Variants in PAGE2B observed in about 807,000 individuals in gnomAD.
PAGE2B encodes the protein putative G antigen family E member 3.
PAGE2B carries 5 observed loss-of-function variants against 7.6 expected under a neutral mutation model. The ratio of observed to expected loss-of-function variants is 0.66; its 90% CI spans 0.34 to 1.38. PAGE2B has a LOEUF of 1.38. Among genes scored for constraint, PAGE2B ranks in the 40% most tolerant of loss-of-function variants. The pLI, the probability that PAGE2B is intolerant of heterozygous loss-of-function variation, is 0.04. For synonymous variants in PAGE2B, 29 were observed against 26.7 expected (o/e 1.09, Z -0.27); for missense variants, 70 against 78.4 (o/e 0.89, Z 0.41).
At chrX:55,030,807 T>C in the PAGE2B span, 5 of 166,258 alleles carry the variant, frequency 3.0e-5, no homozygotes, top group African/African-American at 3.2e-5. Context: ...AAAAAGAAAA[T>C]GAAAAAGAGA....
chrX:55,044,476 G>A, the PAGE2B span, among the ~76,000 whole-genome samples: 1 of 110,927 alleles, frequency 9.0e-6, no homozygotes, highest in Non-Finnish European at 1.9e-5. Flanking sequence ...ATGGGGTGAG[G>A]GATAAAAGAC....
upstream of PAGE2B, among the ~76,000 whole-genome samples, chrX:55,073,255 C>T (rs1049423973): frequency 5.4e-5 from 6 of 111,794 alleles, no homozygotes; most frequent in Non-Finnish European, 9.4e-5. Context: ...GTGGGAGAAG[C>T]GTAGTATCTG....
chrX:55,053,645 A>G, the PAGE2B span, among the ~76,000 whole-genome samples: 1 of 112,182 alleles, frequency 8.9e-6, no homozygotes, highest in Admixed American at 9.4e-5. Flanking sequence ...CAGCATACAG[A>G]GGAAATAACA....
chrX:55,059,915 C>T, the PAGE2B span, among the ~76,000 whole-genome samples: 1 of 111,213 alleles, frequency 9.0e-6, no homozygotes, highest in East Asian at 2.8e-4. Flanking sequence ...ATAATGTCCT[C>T]CAGGTTTATG....
chrX:55,041,725 A>G, the PAGE2B span, among the ~76,000 whole-genome samples: 1 of 111,390 alleles, frequency 9.0e-6, no homozygotes, highest in Non-Finnish European at 1.9e-5. Context: ...TGGGGCAGCC[A>G]CAGTAGGGGT....
upstream of PAGE2B, among the ~76,000 whole-genome samples, chrX:55,074,789 C>T (rs1302278295): frequency 9.8e-5 from 11 of 112,341 alleles, no homozygotes; most frequent in East Asian, 2.8e-4. Context: ...TCATATTCTC[C>T]AAAGCCACTG....
At chrX:55,035,014 A>T in the PAGE2B span, among the ~76,000 whole-genome samples, 2 of 109,897 alleles carry the variant, frequency 1.8e-5, no homozygotes, top group African/African-American at 6.6e-5. Context: ...TAGCCTTTTC[A>T]TGTTTTTCTG....
the PAGE2B span, among the ~76,000 whole-genome samples, chrX:55,060,292 G>T: frequency 1.8e-5 from 2 of 110,983 alleles, no homozygotes; most frequent in Non-Finnish European, 3.8e-5. Context: ...GTTATCTTTT[G>T]TTTTTTAATG....
chrX:55,044,371 T>C, the PAGE2B span, among the ~76,000 whole-genome samples: 23 of 111,286 alleles, frequency 2.1e-4, no homozygotes, highest in Non-Finnish European at 4.1e-4. Flanking sequence ...AAACCAAATA[T>C]TGTATGTTCT....
the PAGE2B span, among the ~76,000 whole-genome samples, chrX:55,043,441 C>T: frequency 7.2e-5 from 8 of 110,419 alleles, no homozygotes; most frequent in South Asian, 3.8e-4. Flanking sequence ...TCTACACATT[C>T]GACAAAGGAC....
the PAGE2B span, among the ~76,000 whole-genome samples, chrX:55,065,690 T>G: frequency 8.9e-6 from 1 of 111,833 alleles, no homozygotes; most frequent in African/African-American, 3.2e-5. Context: ...ATTTTTCCTT[T>G]TTATTTTTTG....
At chrX:55,069,212 C>T in the PAGE2B span, among the ~76,000 whole-genome samples, 1 of 111,902 alleles carries the variant, frequency 8.9e-6, no homozygotes, top group Non-Finnish European at 1.9e-5. Context: ...AGATACCTTC[C>T]TTCTATGCCT....
At chrX:55,045,117 A>T in the PAGE2B span, 13 of 112,217 alleles carry the variant, frequency 1.2e-4, no homozygotes, top group African/African-American at 3.6e-4. Context: ...AAGCTTTTAA[A>T]CACTAGTTAT....
chrX:55,053,353 C>T, the PAGE2B span, among the ~76,000 whole-genome samples: 4 of 111,310 alleles, frequency 3.6e-5, no homozygotes, highest in African/African-American at 9.8e-5. Context: ...GGGAACAACA[C>T]ACACTGGGGC....
At chrX:55,072,750 T>C (rs776477242), upstream of PAGE2B, among the ~76,000 whole-genome samples, 1 of 112,466 alleles carries the variant, frequency 8.9e-6, no homozygotes, top group African/African-American at 3.2e-5. Flanking sequence ...CTGCCTTTCC[T>C]TCAGAGATGC....
upstream of PAGE2B, among the ~76,000 whole-genome samples, chrX:55,070,265 T>C (rs769461046): frequency 2.0e-4 from 22 of 111,836 alleles, no homozygotes; most frequent in Non-Finnish European, 4.0e-4. Flanking sequence ...CAAAGAACAT[T>C]TTTATTTCTG....
chrX:55,042,486 C>G, the PAGE2B span, among the ~76,000 whole-genome samples: 75 of 106,375 alleles, frequency 7.1e-4, no homozygotes, highest in African/African-American at 2.4e-3. Context: ...AACCCCGTCT[C>G]TACTAAAAAT....
the PAGE2B span, among the ~76,000 whole-genome samples, chrX:55,054,208 T>TA: frequency 5.0e-4 from 53 of 106,690 alleles, no homozygotes; most frequent in South Asian, 1.2e-3. Flanking sequence ...GACTCCATCT[T>TA]AAAAAAAACA....
At chrX:55,069,990 C>A in the PAGE2B span, among the ~76,000 whole-genome samples, 1 of 111,022 alleles carries the variant, frequency 9.0e-6, no homozygotes, top group East Asian at 2.8e-4. Flanking sequence ...TTTCAAGAAG[C>A]CAGCTCAGGA....
Sources: allele counts gnomAD v4.1 joint callset (sites outside exome capture counted in the v4.1 genomes callset), GRCh38; gene constraint gnomAD v4.1.1; transcripts MANE v1.5; gene names NCBI Gene and HGNC (gene_info 2026-07-23, HGNC 2026-07-21).